XPR1: variants seen among roughly 807,000 people sequenced by gnomAD.
The protein encoded by XPR1 is xenotropic and polytropic retrovirus receptor 1.
Under a neutral mutation model 87.5 loss-of-function variants are expected in XPR1, and 28 were observed. The observed-to-expected ratio is 0.32, with a 90% CI of 0.24 to 0.44. XPR1 has a LOEUF of 0.44. XPR1 is among the 20% of genes least tolerant of loss of function. The probability of loss-of-function intolerance (pLI) is 1.00; values close to 1 mark genes in which losing one functional copy is unlikely to be tolerated. For synonymous variants in XPR1, 300 were observed against 306.1 expected (o/e 0.98, Z 0.21); for missense variants, 559 against 862.3 (o/e 0.65, Z 4.41).
chr1:180,840,852 A>G (rs930424775), intron 11 of XPR1, among the ~76,000 whole-genome samples: 3 of 152,030 alleles, frequency 2.0e-5, no homozygotes, highest in African/African-American at 4.8e-5. Flanking sequence ...AGTTAGATGC[A>G]TGACCAGGTA....
rs1294164568 is a variant in XPR1 at position 180,801,522 on chromosome 1, A to G, written c.224-1866A>G. On this transcript the variant is annotated intron_variant, in intron 3 of 14. Coordinates refer to ENST00000367590, the MANE Select transcript of XPR1 (RefSeq NM_004736.4). ...TAGATTATAAAAGTTAAGAAAATGA[A>G]GGTCATGTAAAGGATTAAGAATAGA... Among the ~76,000 whole-genome samples, 7 of 152,304 alleles carry G rather than the reference A, an allele frequency of 4.6e-5. No individual in the cohort carries two copies. The South Asian group carries it at 1.2e-3, about 27-fold the overall frequency.
At chr1:180,657,417 G>A (rs892396291) in intron 1 of XPR1, among the ~76,000 whole-genome samples, 1 of 152,040 alleles carries the variant, frequency 6.6e-6, no homozygotes, top group Non-Finnish European at 1.5e-5. Context: ...TAGTTTCATA[G>A]GTTGAGGTTT....
intron 1 of XPR1, among the ~76,000 whole-genome samples, chr1:180,638,079 TG>T (rs1445550282): frequency 6.6e-5 from 10 of 152,340 alleles, no homozygotes; most frequent in Middle Eastern, 3.4e-3. Context: ...AAAACTTTTT[TG>T]TTTTTTTAAT....
intron 2 of XPR1, among the ~76,000 whole-genome samples, chr1:180,752,600 C>T (rs571584525): frequency 6.6e-6 from 1 of 152,108 alleles, no homozygotes; most frequent in Admixed American, 6.5e-5. Context: ...CTTTGTTCTT[C>T]GGTGGCCATA....
rs572246729 is a variant in XPR1, at chr1:180,844,195, G to T, written c.1501+7479G>T. On this transcript the variant is annotated intron_variant, in intron 11 of 14. Coordinates refer to ENST00000367590, the MANE Select transcript of XPR1 (RefSeq NM_004736.4). The stretch of plus-strand genomic sequence containing the variant: ...CATTGCACTCCAGCCTGGGCGACAG[G>T]GCAAGACTCCGTCTAAGAAAAAAAG... 6.6e-5 allele frequency among the ~76,000 whole-genome samples: 10 copies of T among 152,186 alleles called. No homozygotes were observed. The South Asian group carries it at 1.2e-3, about 19-fold the overall frequency.
At chr1:180,675,573 G>A (rs533110402) in intron 1 of XPR1, among the ~76,000 whole-genome samples, 2 of 152,242 alleles carry the variant, frequency 1.3e-5, no homozygotes, top group South Asian at 4.1e-4. Context: ...AATTAGAGTA[G>A]GGATGCTGAT....
At chr1:180,810,807 G>A (rs1216674245) in intron 6 of XPR1, among the ~76,000 whole-genome samples, 1 of 150,118 alleles carries the variant, frequency 6.7e-6, no homozygotes, top group Admixed American at 6.6e-5. Flanking sequence ...ATGTATATAT[G>A]TGTATATATA....
chr1:180,808,159 A>G (rs1459732323), intron 6 of XPR1, among the ~76,000 whole-genome samples: 1 of 152,224 alleles, frequency 6.6e-6, no homozygotes, highest in Non-Finnish European at 1.5e-5. Flanking sequence ...TCAATGGACC[A>G]GAATAGAGTG....
At chr1:180,731,507 T>A (rs1284404478) in intron 2 of XPR1, among the ~76,000 whole-genome samples, 2 of 152,204 alleles carry the variant, frequency 1.3e-5, no homozygotes, top group African/African-American at 4.8e-5. Flanking sequence ...TACCTTTTTT[T>A]GAGAGACCTG....
intron 2 of XPR1, among the ~76,000 whole-genome samples, chr1:180,696,418 A>G (rs1472362194): frequency 6.6e-6 from 1 of 151,950 alleles, no homozygotes; most frequent in Non-Finnish European, 1.5e-5. Flanking sequence ...ATAAAGCAGG[A>G]CAACTTGACT....
chr1:180,888,759 ACT>A lies in XPR1; in HGVS notation c.*4697_*4698del, dbSNP rs764597965. On this transcript the variant is annotated 3_prime_UTR_variant, in exon 15 of 15. Coordinates refer to ENST00000367590, the MANE Select transcript of XPR1 (RefSeq NM_004736.4). ...TCAGTCTTGATAGTAAATCCTACAA[ACT>A]CTCAACTTTCTGCATTGTATTTTAA... The A allele has an allele frequency of 2.0e-5, 3 of 152,188 alleles. No individual in the cohort carries two copies. Among genetic ancestry groups the A allele is most frequent in the Non-Finnish European group, 2.9e-5 (2 of 68,030 alleles). The allele number at this position is 152,188 out of a possible 1,614,324, so 9.4% of individuals were successfully genotyped here. A position where few individuals can be genotyped will look rare whatever the true frequency, so the allele number is the denominator to read the frequency against.
chr1:180,695,483 A>C (rs1571734227), intron 2 of XPR1, among the ~76,000 whole-genome samples: 1 of 151,330 alleles, frequency 6.6e-6, no homozygotes, highest in East Asian at 2.0e-4. Context: ...GCGCTTTTGA[A>C]GTCTTAGTCA....
At chr1:180,678,069 A>G (rs542405137) in intron 1 of XPR1, among the ~76,000 whole-genome samples, 1 of 152,360 alleles carries the variant, frequency 6.6e-6, no homozygotes, top group South Asian at 2.1e-4. Flanking sequence ...CAGATGTATT[A>G]TAAAGGATGC....
In XPR1 at chr1:180,887,632, C is replaced by G. The variant is rs1653055954; in HGVS notation, c.*3566C>G. The G allele has an allele frequency of 6.6e-6, 1 of 152,158 alleles. No homozygotes were observed. Among genetic ancestry groups the G allele is most frequent in the Admixed American group, 6.5e-5 (1 of 15,278 alleles). 9.4% of individuals were successfully genotyped at this position (152,158 alleles called of 1,614,324 possible). A position where few individuals can be genotyped will look rare whatever the true frequency, so the allele number is the denominator to read the frequency against. ...GCACTCTACCATTAGGCTCCTTAGG[C>G]AAGCTGCTTAACTTCCGTCAGAAGC... is the stretch of plus-strand genomic sequence containing the variant. On this transcript the variant is annotated 3_prime_UTR_variant, in exon 15 of 15. Transcript: ENST00000367590.
chr1:180,747,103 T>C lies in XPR1; in HGVS notation c.122-40650T>C, dbSNP rs375907606. Among the ~76,000 whole-genome samples, 30 of 152,306 alleles carry C rather than the reference T, an allele frequency of 2.0e-4. No individual in the cohort carries two copies. The East Asian group carries it at 4.2e-3, about 22-fold the overall frequency. ...CTTAATATTTGAAATGGTTAACATA[T>C]TCCCCCTCTTAACATCTACTTTTTC... is the stretch of plus-strand genomic sequence containing the variant. On this transcript the variant is annotated intron_variant, in intron 2 of 14. Coordinates refer to ENST00000367590, the MANE Select transcript of XPR1 (RefSeq NM_004736.4).
chr1:180,697,405 CTT>C (rs1455421237), intron 2 of XPR1, among the ~76,000 whole-genome samples: 1 of 151,438 alleles, frequency 6.6e-6, no homozygotes, highest in Non-Finnish European at 1.5e-5. Context: ...TTTTCAAAAA[CTT>C]TATTTTGCTG....
chr1:180,830,049 T>C (rs1043122884), intron 9 of XPR1, among the ~76,000 whole-genome samples: 1 of 152,168 alleles, frequency 6.6e-6, no homozygotes, highest in African/African-American at 2.4e-5. Flanking sequence ...TAGTTCATGA[T>C]TAGAGATGGA....
rs1651310773 is a variant in XPR1, at chr1:180,836,793, A to C, written c.1501+77A>C. 4 of 1,510,442 alleles carry C rather than the reference A, an allele frequency of 2.6e-6. No homozygotes were observed. In the South Asian group the frequency reaches 4.7e-5, roughly 18 times the overall value. The allele number at this position is 1,510,442 out of a possible 1,614,324, so 93.6% of individuals were successfully genotyped here. A position where few individuals can be genotyped will look rare whatever the true frequency, so the allele number is the denominator to read the frequency against. ...CCTGACTCTATTTCTTACTCTGGCT[A>C]CTTTTCCATTTGTCATGCTCTTTTT... On this transcript the variant is annotated intron_variant, in intron 11 of 14. Coordinates refer to ENST00000367590, the MANE Select transcript of XPR1 (RefSeq NM_004736.4).
chr1:180,784,343 C>T (rs995940845), intron 2 of XPR1, among the ~76,000 whole-genome samples: 11 of 151,990 alleles, frequency 7.2e-5, no homozygotes, highest in African/African-American at 2.4e-4. Context: ...GGCATCCTTT[C>T]ATTGGTTCAT....
Sources: gnomAD v4.1 joint callset for allele counts (sites outside exome capture counted in the v4.1 genomes callset) on GRCh38, gnomAD v4.1.1 for gene constraint, MANE v1.5 for transcripts, NCBI Gene and HGNC (gene_info 2026-07-23, HGNC 2026-07-21) for gene names.